The following DLG2 variants were observed in gnomAD, a reference collection of about 807,000 sequenced individuals.
DLG2 encodes the protein disks large homolog 2.
Under a neutral mutation model 132.5 loss-of-function variants are expected in DLG2, and 45 were observed. The ratio of observed to expected loss-of-function variants is 0.34; its 90% confidence interval spans 0.27 to 0.44. The LOEUF (loss-of-function observed/expected upper bound fraction) is 0.44, where lower values mean the gene tolerates loss of function less well. Ranked by LOEUF, DLG2 falls within the 20% of genes least tolerant of loss-of-function variation. DLG2 has a pLI of 1.00. For missense variants in DLG2, 1,045 were observed against 1,196.9 expected, an observed-to-expected ratio of 0.87 and a Z score of 1.87; for synonymous variants, 424 against 419.6, an observed-to-expected ratio of 1.01 and a Z score of -0.13.
chr11:84,139,305 T>A (rs1435455549), intron 9 of DLG2, among the ~76,000 whole-genome samples: 2 of 152,074 alleles, frequency 1.3e-5, no homozygotes, highest in Non-Finnish European at 2.9e-5. Flanking sequence ...AGGCATTCAA[T>A]GCATATTTAT....
At chr11:84,874,206 G>A (rs943946398) in intron 6 of DLG2, among the ~76,000 whole-genome samples, 2 of 152,146 alleles carry the variant, frequency 1.3e-5, no homozygotes, top group Non-Finnish European at 2.9e-5. Context: ...ATCCTATGAG[G>A]AAGTACCTTT....
At chr11:84,855,878 G>A (rs567820957) in intron 6 of DLG2, among the ~76,000 whole-genome samples, 43 of 152,082 alleles carry the variant, frequency 2.8e-4, no homozygotes, top group African/African-American at 9.6e-4. Flanking sequence ...TTGTCATAAT[G>A]GGAAGAAAAG....
At chr11:83,736,696 G>A (rs1413067504) in intron 18 of DLG2, among the ~76,000 whole-genome samples, 1 of 152,064 alleles carries the variant, frequency 6.6e-6, no homozygotes, top group African/African-American at 2.4e-5. Flanking sequence ...GCTCTCTAAA[G>A]TGCCTGTTTC....
At chr11:85,177,468 G>C (rs996265329) in intron 4 of DLG2, among the ~76,000 whole-genome samples, 5 of 151,976 alleles carry the variant, frequency 3.3e-5, no homozygotes, top group African/African-American at 1.2e-4. Flanking sequence ...GGAGCTGAAT[G>C]ATGAGAACAC....
chr11:83,462,170 T>A, intron 26 of DLG2, 77 bp from the exon 27 acceptor site: 1 of 954,166 alleles, frequency 1.0e-6, no homozygotes. Context: ...ATGGCAAAAA[T>A]AAATCCTACA....
intron 6 of DLG2, among the ~76,000 whole-genome samples, chr11:84,991,165 T>C (rs1458774838): frequency 2.0e-5 from 3 of 151,990 alleles, no homozygotes; most frequent in Admixed American, 1.3e-4. Context: ...ATTACAGAAA[T>C]GGGGATTCGA....
chr11:84,830,414 G>A (rs1297506809), intron 6 of DLG2, among the ~76,000 whole-genome samples: 1 of 150,252 alleles, frequency 6.7e-6, no homozygotes, highest in Non-Finnish European at 1.5e-5. Context: ...GGAACAGGCA[G>A]AAGCCATTCT....
At chr11:84,256,673 G>C (rs1214410775) in intron 7 of DLG2, among the ~76,000 whole-genome samples, 1 of 152,156 alleles carries the variant, frequency 6.6e-6, no homozygotes, top group Non-Finnish European at 1.5e-5. Context: ...TTACAGGACA[G>C]GATTACTGAG....
At chr11:84,203,095 G>T (rs557746787) in intron 8 of DLG2, among the ~76,000 whole-genome samples, 1 of 150,816 alleles carries the variant, frequency 6.6e-6, no homozygotes, top group African/African-American at 2.4e-5. Context: ...CCATTTGACC[G>T]AACAATCCCA....
At chr11:84,477,098 G>A (rs1435323578) in intron 7 of DLG2, among the ~76,000 whole-genome samples, 1 of 152,094 alleles carries the variant, frequency 6.6e-6, no homozygotes, top group Non-Finnish European at 1.5e-5. Context: ...ATTGTTGAAT[G>A]AATAAAAGAA....
chr11:83,844,667 G>A lies in DLG2; in HGVS notation c.1566-10897C>T, dbSNP rs542853060. Among the ~76,000 whole-genome samples the A allele has an allele frequency of 9.2e-5, 14 of 152,008 alleles. No individual in the cohort carries two copies. The South Asian group carries it at 2.9e-3, about 32-fold the overall frequency. ...TGAATAAATTGGGAGAATAAAGGAG[G>A]GAGAGTCCACCTGAGTCGTAGAAGA... On this transcript the variant is annotated intron_variant, in intron 16 of 27. Coordinates refer to ENST00000376104, the MANE Select transcript of DLG2 (RefSeq NM_001142699.3).
intron 7 of DLG2, among the ~76,000 whole-genome samples, chr11:84,351,823 C>T (rs976997991): frequency 6.6e-6 from 1 of 152,130 alleles, no homozygotes; most frequent in Non-Finnish European, 1.5e-5. Flanking sequence ...CAGACTGTAA[C>T]AATGGAGGAG....
At position 83,458,163 on chromosome 11, in the gene DLG2, T is replaced by G. The variant is rs1258908816; in HGVS notation, c.*1655A>C. 1.3e-5 allele frequency: 2 copies of G among 152,540 alleles called. No homozygotes were observed. The highest frequency in any genetic ancestry group is 2.9e-5 in the Non-Finnish European group (2 of 68,038). 9.4% of individuals were successfully genotyped at this position (152,540 alleles called of 1,614,324 possible). ...CCAGAAATAAGGCGATGGGGCTTAG[T>G]CTGGGCATGCACAGAACCCAGAGTA... is the stretch of plus-strand genomic sequence containing the variant. On this transcript the variant is annotated 3_prime_UTR_variant, in exon 28 of 28. Coordinates refer to ENST00000376104, the MANE Select transcript of DLG2 (RefSeq NM_001142699.3).
intron 4 of DLG2, among the ~76,000 whole-genome samples, chr11:85,160,545 C>T (rs2077947604): frequency 6.6e-6 from 1 of 152,156 alleles, no homozygotes; most frequent in Admixed American, 6.5e-5. Flanking sequence ...ACCTGAACTG[C>T]CTATCATGAA....
intron 3 of DLG2, among the ~76,000 whole-genome samples, chr11:85,309,727 T>C (rs2080194066): frequency 6.6e-6 from 1 of 152,138 alleles, no homozygotes; most frequent in African/African-American, 2.4e-5. Context: ...GCTCTGTTTC[T>C]TTACATGTAC....
chr11:84,233,034 A>G (rs1358269675), intron 8 of DLG2, among the ~76,000 whole-genome samples: 1 of 152,166 alleles, frequency 6.6e-6, no homozygotes, highest in Non-Finnish European at 1.5e-5. Flanking sequence ...CACAACCTCA[A>G]AGCACCTTTC....
intron 10 of DLG2, among the ~76,000 whole-genome samples, chr11:84,081,889 A>G (rs2096909719): frequency 6.6e-6 from 1 of 152,298 alleles, no homozygotes; most frequent in Middle Eastern, 3.4e-3. Flanking sequence ...CTGAGGAATC[A>G]CCACATTGTC....
chr11:85,293,115 G>T (rs1202031033), intron 3 of DLG2, among the ~76,000 whole-genome samples: 2 of 151,972 alleles, frequency 1.3e-5, no homozygotes, highest in African/African-American at 4.8e-5. Flanking sequence ...TGATTAAATG[G>T]GGGAGAAGGG....
chr11:84,868,265 T>C (rs1054596138), intron 6 of DLG2, among the ~76,000 whole-genome samples: 2 of 151,628 alleles, frequency 1.3e-5, no homozygotes, highest in Admixed American at 1.3e-4. Flanking sequence ...CCAATAAGGC[T>C]ATCAAGTCTC....
Sources: gnomAD v4.1 joint callset for allele counts (sites outside exome capture counted in the v4.1 genomes callset) on GRCh38, gnomAD v4.1.1 for gene constraint, MANE v1.5 for transcripts, NCBI Gene and HGNC (gene_info 2026-07-23, HGNC 2026-07-21) for gene names.